Variants in CD46 observed in about 807,000 individuals in gnomAD.
CD46 encodes the protein CD46 molecule.
A neutral mutation model predicts 53.3 loss-of-function variants in CD46; 30 were observed. The ratio of observed to expected loss-of-function variants is 0.56; its 90% CI spans 0.42 to 0.76. CD46 has a LOEUF of 0.76. CD46 is among the 30% of genes least tolerant of loss of function. The pLI, the probability that CD46 is intolerant of heterozygous loss-of-function variation, is 0.00. For synonymous variants in CD46, 142 were observed against 152.0 expected (o/e 0.93, Z 0.48); for missense variants, 409 against 463.0 (o/e 0.88, Z 1.07).
At chr1:207,764,912 G>A (rs573982691) in intron 5 of CD46, among the ~76,000 whole-genome samples, 1 of 152,296 alleles carries the variant, frequency 6.6e-6, no homozygotes, top group African/African-American at 2.4e-5. Context: ...TTTCAAGAAA[G>A]TGCAAGAGGA....
At chr1:207,767,978 A>G (rs1186042546) in intron 7 of CD46, 155 bp downstream of exon 7, 5 of 655,448 alleles carry the variant, frequency 7.6e-6, no homozygotes, top group Non-Finnish European at 1.3e-5. Context: ...ATACATAGTG[A>G]TTCTAAAATT....
chr1:207,759,667 T>C lies in CD46; in HGVS notation c.418T>C (p.Tyr140His), dbSNP rs1655966919. 1 of 1,596,746 alleles carries C rather than the reference T, an allele frequency of 6.3e-7. No homozygotes were observed. The highest frequency in any genetic ancestry group is 8.6e-7 in the Non-Finnish European group (1 of 1,164,462). Reference protein sequence around the residue: ...GYYLIGEEILYCELKGSVAIW... With the variant: ...GYYLIGEEILHCELKGSVAIW... The stretch of plus-strand genomic sequence containing the variant: ...TTACTTAATTGGTGAAGAAATTCTA[T>C]ATTGTGAACTTAAAGGATCAGTAGC... The change falls in exon 4 of 13, where the codon TAT becomes CAT. Residue 140 changes from tyrosine (Y) to histidine (H), a missense_variant. By Grantham distance (83) the Tyr-to-His change is moderately conservative. Transcript: ENST00000367042.
intron 7 of CD46, chr1:207,768,513 C>T (rs1657104794): frequency 6.6e-6 from 1 of 152,168 alleles, no homozygotes. Context: ...TCTTCCACAC[C>T]TCATAATGTT....
chr1:207,754,926 A>C (rs1247336089), intron 1 of CD46, among the ~76,000 whole-genome samples: 4 of 150,386 alleles, frequency 2.7e-5, no homozygotes, highest in Non-Finnish European at 5.9e-5. Context: ...TGGACAGCAT[A>C]AGCAGACCTC....
intron 3 of CD46, among the ~76,000 whole-genome samples, chr1:207,759,167 A>T (rs1655899723): frequency 6.6e-6 from 1 of 152,222 alleles, no homozygotes. Flanking sequence ...AACCCCATGT[A>T]CTGTTATCCC....
intron 8 of CD46, among the ~76,000 whole-genome samples, chr1:207,780,854 A>G (rs1239394864): frequency 1.3e-5 from 2 of 152,074 alleles, no homozygotes; most frequent in African/African-American, 4.8e-5. Context: ...GAGAAGTCTA[A>G]TATCAAGGCA....
intron 8 of CD46, among the ~76,000 whole-genome samples, chr1:207,774,438 G>A (rs1405908056): frequency 2.0e-5 from 3 of 152,196 alleles, no homozygotes; most frequent in Non-Finnish European, 4.4e-5. Flanking sequence ...ATGTTAGCTG[G>A]TTATTTTGCC....
At chr1:207,777,264 A>G (rs1467103466) in intron 8 of CD46, among the ~76,000 whole-genome samples, 1 of 152,186 alleles carries the variant, frequency 6.6e-6, no homozygotes, top group Non-Finnish European at 1.5e-5. Flanking sequence ...TTTTTAACTC[A>G]TTACCCAAGT....
chr1:207,767,730 A>G, intron 6 of CD46, 49 bp from the exon 7 acceptor site: 2 of 1,595,932 alleles, frequency 1.3e-6, no homozygotes, highest in Admixed American at 1.7e-5. Context: ...ATTGCCAGCA[A>G]TAACTCCCAA....
chr1:207,755,111 G>A (rs942447129), intron 1 of CD46, among the ~76,000 whole-genome samples: 3 of 151,786 alleles, frequency 2.0e-5, no homozygotes, highest in East Asian at 3.9e-4. Flanking sequence ...AAGAGACCCT[G>A]TCTCAAAACA....
At chr1:207,780,415 G>A (rs1658619099) in intron 8 of CD46, among the ~76,000 whole-genome samples, 1 of 151,992 alleles carries the variant, frequency 6.6e-6, no homozygotes, top group African/African-American at 2.4e-5. Context: ...TTCGTTATAT[G>A]TATATACTAT....
At chr1:207,782,322 G>A (rs1658822593) in intron 8 of CD46, among the ~76,000 whole-genome samples, 1 of 152,142 alleles carries the variant, frequency 6.6e-6, no homozygotes, top group Non-Finnish European at 1.5e-5. Context: ...TTGCATGTGT[G>A]TGTATATGTG....
chr1:207,759,477 T>A (rs1190453537), intron 3 of CD46, among the ~76,000 whole-genome samples, 162 bp from the exon 4 acceptor site: 1 of 152,254 alleles, frequency 6.6e-6, no homozygotes. Flanking sequence ...TTGATTAAAT[T>A]GCAGATTTAT....
rs1438056068 is a variant in CD46, at chr1:207,752,975, G to A, written c.97+666G>A. Among the ~76,000 whole-genome samples the A allele has an allele frequency of 1.3e-5, 2 of 151,912 alleles. No individual in the cohort carries two copies. Among genetic ancestry groups the A allele is most frequent in the Admixed American group, 6.6e-5 (1 of 15,258 alleles). ...AGTGAGAGCAGGCTCTCGGTGCCTG[G>A]GGTTAGAGAGGTGGTAAGGGCGCGC... On this transcript the variant is annotated intron_variant, in intron 1 of 12. Transcript: ENST00000367042. The surrounding 1 kb of genome is among the most constrained non-coding windows in gnomAD (Gnocchi z 4.1).
chr1:207,792,171 G>C (rs1659854792), intron 12 of CD46, among the ~76,000 whole-genome samples: 1 of 152,118 alleles, frequency 6.6e-6, no homozygotes, highest in African/African-American at 2.4e-5. Flanking sequence ...AGCTACTCAG[G>C]AGGCTGAGGC....
intron 12 of CD46, among the ~76,000 whole-genome samples, chr1:207,790,643 T>G (rs899911228): frequency 1.1e-4 from 16 of 152,166 alleles, no homozygotes; most frequent in Admixed American, 8.5e-4. Context: ...AAGTAAGAAT[T>G]TGTGAGCCAA....
intron 4 of CD46, chr1:207,760,802 G>A (rs1302306999): frequency 5.9e-6 from 1 of 168,330 alleles, no homozygotes; most frequent in Non-Finnish European, 1.3e-5. Context: ...AGCAGGAGGA[G>A]CAAGGTGGGG....
At position 207,757,129 on chromosome 1, in the gene CD46, A is replaced by C. The variant is rs1443190764; in HGVS notation, c.213A>C (p.Ile71=). ...DYKCKKGYFY[I]PPLATHTICD... ...AGTGTAAAAAAGGATACTTCTATAT[A>C]CCTCCTCTTGCCACCCATACTATTT... The change falls in exon 2 of 13, where the codon ATA becomes ATC. Residue 71 remains isoleucine, a synonymous_variant. Coordinates refer to ENST00000367042, the MANE Select transcript of CD46 (RefSeq NM_172351.3). 1.2e-6 allele frequency: 2 copies of C among 1,613,736 alleles called. No individual in the cohort carries two copies. The highest frequency in any genetic ancestry group is 4.5e-5 in the East Asian group (2 of 44,864).
chr1:207,787,369 G>C (rs958410578), intron 11 of CD46, among the ~76,000 whole-genome samples: 1 of 152,118 alleles, frequency 6.6e-6, no homozygotes, highest in Admixed American at 6.5e-5. Context: ...ACCGCGCCCG[G>C]CCTTAATGGG....
Sources: gnomAD v4.1 joint callset for allele counts (sites outside exome capture counted in the v4.1 genomes callset) on GRCh38, gnomAD v4.1.1 for gene constraint, Gnocchi (gnomAD v3.1) non-coding constraint, MANE v1.5 for transcripts, NCBI Gene and HGNC (gene_info 2026-07-23, HGNC 2026-07-21) for gene names.